The following SGMS1 variants were observed in gnomAD, a reference collection of about 807,000 sequenced individuals.
SGMS1 encodes the protein sphingomyelin synthase 1, also known as phosphatidylcholine:ceramide cholinephosphotransferase 1.
SGMS1 carries 13 observed loss-of-function variants against 46.2 expected under a neutral mutation model. That is an observed-to-expected ratio of 0.28 (90% CI 0.18 to 0.45). The LOEUF (loss-of-function observed/expected upper bound fraction) is 0.45, where lower values mean the gene tolerates loss of function less well. Among genes scored for constraint, SGMS1 ranks in the 20% least tolerant of loss-of-function variants. The pLI is 1.00. For synonymous variants in SGMS1, 203 were observed against 187.8 expected (o/e 1.08, Z -0.66); for missense variants, 324 against 519.9 (o/e 0.62, Z 3.66).
chr10:50,343,400 A>G (rs1253758060), intron 7 of SGMS1, 92 bp downstream of exon 7: 1 of 1,372,270 alleles, frequency 7.3e-7, no homozygotes, highest in East Asian at 2.4e-5. Context: ...TTTGATCCCA[A>G]CAAGTTGATA....
At chr10:50,584,904 T>C (rs956898228) in intron 2 of SGMS1, among the ~76,000 whole-genome samples, 2 of 152,236 alleles carry the variant, frequency 1.3e-5, no homozygotes, top group South Asian at 2.1e-4. Context: ...GATGGTTCAC[T>C]GATATGGTTT....
chr10:50,577,216 G>A (rs915283246), intron 2 of SGMS1, among the ~76,000 whole-genome samples: 4 of 152,138 alleles, frequency 2.6e-5, no homozygotes, highest in South Asian at 2.1e-4. Context: ...GATGATCAAC[G>A]GGGATGACAC....
chr10:50,490,412 C>A (rs1837557580), intron 3 of SGMS1, among the ~76,000 whole-genome samples: 1 of 152,112 alleles, frequency 6.6e-6, no homozygotes, highest in African/African-American at 2.4e-5. Context: ...TTTTAGACGG[C>A]CCAGTCATCA....
At chr10:50,407,691 T>A (rs1371859869) in intron 6 of SGMS1, among the ~76,000 whole-genome samples, 1 of 152,118 alleles carries the variant, frequency 6.6e-6, no homozygotes, top group Non-Finnish European at 1.5e-5. Flanking sequence ...ATAGAATGGG[T>A]GCCTATACAC....
intron 6 of SGMS1, among the ~76,000 whole-genome samples, chr10:50,429,193 C>T (rs1252691690): frequency 2.0e-5 from 3 of 152,196 alleles, no homozygotes; most frequent in Admixed American, 6.5e-5. Flanking sequence ...CAGGTATAGT[C>T]ATGCACTGCA....
At chr10:50,551,615 C>G (rs920390020) in intron 2 of SGMS1, among the ~76,000 whole-genome samples, 3 of 152,004 alleles carry the variant, frequency 2.0e-5, no homozygotes, top group Non-Finnish European at 2.9e-5. Context: ...GAAACTGGAT[C>G]TGGGAATATG....
intron 3 of SGMS1, among the ~76,000 whole-genome samples, chr10:50,475,773 T>G (rs72801781): frequency 0.17 from 25,487 of 152,024 alleles, 2,577 homozygotes; most frequent in Admixed American, 0.23. Context: ...ACCATTCTCC[T>G]GTCAACCATG....
chr10:50,416,616 C>T (rs1849172947), intron 6 of SGMS1, among the ~76,000 whole-genome samples: 2 of 152,066 alleles, frequency 1.3e-5, no homozygotes, highest in African/African-American at 4.8e-5. Flanking sequence ...GCCATTTCTC[C>T]CAAGTTTACA....
In SGMS1 at chr10:50,311,401, C is replaced by A; in HGVS notation, c.756G>T (p.Trp252Cys). 1 of 1,613,202 alleles carries A rather than the reference C, an allele frequency of 6.2e-7. No individual in the cohort carries two copies. The highest frequency in any genetic ancestry group is 8.5e-7 in the Non-Finnish European group (1 of 1,179,754). Residue 252 changes from tryptophan to cysteine, a missense_variant, in exon 9 of 11, where the codon TGG (tryptophan) becomes TGT (cysteine). By Grantham distance (215) the Trp-to-Cys change is radical. Around this residue, in one of 2 missense-constraint regions of SGMS1, gnomAD observed 174 missense variants for 350.1 expected, o/e 0.50. Transcript: ENST00000361781. Reference protein sequence around the residue: ...FNCSPKLFGDWEAQLRRIMKL... With the variant: ...FNCSPKLFGDCEAQLRRIMKL... ...TCATTATTCTTCGCAGTTGGGCTTC[C>A]CAGTCTCCGAAAAGCTGGCAGAAAA...
chr10:50,599,471 C>CTT (rs11483966), intron 1 of SGMS1, among the ~76,000 whole-genome samples: 32 of 150,720 alleles, frequency 2.1e-4, no homozygotes, highest in East Asian at 3.9e-4. Flanking sequence ...TGCTGGGAGC[C>CTT]TTTTTTTTTA....
chr10:50,558,976 T>C (rs1257995625), intron 2 of SGMS1, among the ~76,000 whole-genome samples: 1 of 152,048 alleles, frequency 6.6e-6, no homozygotes, highest in African/African-American at 2.4e-5. Flanking sequence ...TATACACAGA[T>C]GTTTGACTGT....
chr10:50,413,519 G>A (rs924090341), intron 6 of SGMS1, among the ~76,000 whole-genome samples: 5 of 152,154 alleles, frequency 3.3e-5, no homozygotes, highest in African/African-American at 1.2e-4. Flanking sequence ...AGGATTTCTC[G>A]ACCATAACAC....
At chr10:50,511,799 C>T (rs1454447495) in intron 3 of SGMS1, among the ~76,000 whole-genome samples, 1 of 152,106 alleles carries the variant, frequency 6.6e-6, no homozygotes, top group Non-Finnish European at 1.5e-5. Flanking sequence ...CTCCTCTTGT[C>T]TGAGGGATCC....
At chr10:50,443,726 T>C (rs900274449) in intron 5 of SGMS1, among the ~76,000 whole-genome samples, 2 of 152,108 alleles carry the variant, frequency 1.3e-5, no homozygotes, top group Non-Finnish European at 2.9e-5. Context: ...TAATACATTG[T>C]ATGTTAACAT....
chr10:50,547,385 A>G (rs982851914), intron 2 of SGMS1, among the ~76,000 whole-genome samples: 3 of 152,208 alleles, frequency 2.0e-5, no homozygotes, highest in Non-Finnish European at 4.4e-5. Flanking sequence ...ACAAAAATAC[A>G]AACAACCATC....
At chr10:50,389,067 A>G (rs1435891175) in intron 6 of SGMS1, among the ~76,000 whole-genome samples, 1 of 152,232 alleles carries the variant, frequency 6.6e-6, no homozygotes, top group African/African-American at 2.4e-5. Context: ...TTGTTTTACT[A>G]TCTATATGTA....
intron 3 of SGMS1, among the ~76,000 whole-genome samples, chr10:50,505,763 G>A (rs887750354): frequency 2.6e-4 from 39 of 152,160 alleles, no homozygotes. Flanking sequence ...GGGATGGGAG[G>A]GGGTGATGTA....
rs74450720 is a variant in SGMS1, at chr10:50,471,904, C to T, written c.-497-4972G>A. 1.3e-3 allele frequency among the ~76,000 whole-genome samples: 191 copies of T among 152,222 alleles called. 5 individuals are homozygous for T. The East Asian group carries it at 0.036, about 29-fold the overall frequency. On this transcript the variant is annotated intron_variant, in intron 3 of 10. Transcript: ENST00000361781. ...CTACATTATTTAATCCTAGCTTCTTCGCGGGCAAGAGCCACATTATCTCTG... is the reference window on the plus strand; with the variant it reads ...CTACATTATTTAATCCTAGCTTCTTTGCGGGCAAGAGCCACATTATCTCTG...
At chr10:50,623,259 G>A (rs1410348949) in intron 1 of SGMS1, among the ~76,000 whole-genome samples, 1 of 152,164 alleles carries the variant, frequency 6.6e-6, no homozygotes, top group Non-Finnish European at 1.5e-5. Context: ...TAGGCTGTGG[G>A]GGTGGAGCCG....
Sources: allele counts gnomAD v4.1 joint callset (sites outside exome capture counted in the v4.1 genomes callset), GRCh38; gene constraint gnomAD v4.1.1; regional missense constraint gnomAD v4.1.1; transcripts MANE v1.5; gene names NCBI Gene and HGNC (gene_info 2026-07-23, HGNC 2026-07-21).